TLL1: variants seen among roughly 807,000 people sequenced by gnomAD.
TLL1 encodes the protein tolloid like 1.
In TLL1, 49 loss-of-function variants were observed where a neutral mutation model predicts 128.2. The observed-to-expected ratio is 0.38, with a 90% CI of 0.30 to 0.48. The LOEUF (loss-of-function observed/expected upper bound fraction) is 0.48. Ranked by LOEUF, TLL1 falls within the 20% of genes least tolerant of loss-of-function variation. The pLI, the probability that TLL1 is intolerant of heterozygous loss-of-function variation, is 0.96. For missense variants in TLL1, 1,123 were observed against 1,242.0 expected, an observed-to-expected ratio of 0.90 and a Z score of 1.44; for synonymous variants, 454 against 418.8, an observed-to-expected ratio of 1.08 and a Z score of -1.03.
chr4:166,018,599 A>T (rs1015785319), intron 8 of TLL1, among the ~76,000 whole-genome samples: 1 of 152,158 alleles, frequency 6.6e-6, no homozygotes, highest in Non-Finnish European at 1.5e-5. Flanking sequence ...AACTTAAACC[A>T]ATCAACAAAC....
intron 12 of TLL1, among the ~76,000 whole-genome samples, chr4:166,048,563 T>C (rs1180987461): frequency 6.6e-6 from 1 of 152,180 alleles, no homozygotes; most frequent in Non-Finnish European, 1.5e-5. Flanking sequence ...TTGGAAAGCT[T>C]GTTCTCTATT....
At chr4:166,006,727 C>G (rs1185275659) in intron 6 of TLL1, among the ~76,000 whole-genome samples, 1 of 151,602 alleles carries the variant, frequency 6.6e-6, no homozygotes, top group Admixed American at 6.6e-5. Flanking sequence ...ATTATAAGGT[C>G]TGGTTAGTTA....
rs1027019655 is a variant in TLL1 at position 166,099,430 on chromosome 4, A to G, written c.2810A>G (p.Glu937Gly). 1 of 1,613,508 alleles carries G rather than the reference A, an allele frequency of 6.2e-7. No individual in the cohort carries two copies. ...CTTGAATTATCCTTCCAGACATTTG[A>G]AGTGGAGGAAGAAGCAGACTGTGGC... ...SRLELSFQTFEVEEEADCGYD... is the reference protein window; with the variant it reads ...SRLELSFQTFGVEEEADCGYD... Residue 937 changes from glutamate (E) to glycine (G), a missense_variant, in exon 20 of 21, where the codon GAA (glutamate) becomes GGA (glycine). This residue lies in a region of TLL1 where 634 missense variants were observed against 672.4 expected (regional missense o/e 0.94). Transcript: ENST00000061240.
At position 165,931,534 on chromosome 4, in the gene TLL1, G is replaced by A. The variant is rs569095525; in HGVS notation, c.169+57461G>A. On this transcript the variant is annotated intron_variant, in intron 1 of 20. Coordinates refer to ENST00000061240, the MANE Select transcript of TLL1 (RefSeq NM_012464.5). ...GAGATTGAGACCTCCTGGCCAACAC[G>A]GTGAAACCCCGTCTCTACTAAAAAT... is the stretch of plus-strand genomic sequence containing the variant. Among the ~76,000 whole-genome samples, 726 of 151,800 alleles carry A rather than the reference G, an allele frequency of 4.8e-3. 4 individuals carry two copies. The highest frequency in any genetic ancestry group is 5.9e-3 in the Non-Finnish European group (399 of 67,940).
At chr4:165,975,414 C>T (rs1033750037) in intron 1 of TLL1, among the ~76,000 whole-genome samples, 2 of 151,396 alleles carry the variant, frequency 1.3e-5, no homozygotes, top group African/African-American at 4.8e-5. Context: ...GAAAAGAAAT[C>T]TGCCCTTAAA....
At chr4:166,072,598 T>C (rs904802939) in intron 16 of TLL1, among the ~76,000 whole-genome samples, 1 of 151,878 alleles carries the variant, frequency 6.6e-6, no homozygotes, top group East Asian at 1.9e-4. Context: ...TTTTAACAAA[T>C]CTTGAAATTA....
At chr4:165,996,884 ATATT>A (rs1317970632) in intron 5 of TLL1, among the ~76,000 whole-genome samples, 5 of 150,342 alleles carry the variant, frequency 3.3e-5, no homozygotes, top group African/African-American at 9.7e-5. Flanking sequence ...GTATATATTA[ATATT>A]TATTTGTACA....
At chr4:166,100,299 G>T (rs11942301) in intron 20 of TLL1, among the ~76,000 whole-genome samples, 15,270 of 152,050 alleles carry the variant, frequency 0.1, 1,247 homozygotes, top group East Asian at 0.42. Flanking sequence ...GATGCTTAGA[G>T]TATTAAAACA....
Position 166,014,552 on chromosome 4 carries a change from G to A in TLL1, c.1034G>A (p.Arg345Lys), listed in dbSNP as rs1396253783. 6.2e-7 allele frequency: 1 copy of A among 1,611,872 alleles called. No homozygotes were observed. Among genetic ancestry groups the A allele is most frequent in the Non-Finnish European group, 8.5e-7 (1 of 1,178,456 alleles). ...ATCGCACAGGCAAGAAAGCTGTATA[G>A]ATGTCCAGGTATTGCACTACACAAA... ...GDIAQARKLY[R>K]CPACGETLQE... The change falls in exon 8 of 21, where the codon AGA (arginine) becomes AAA (lysine). Residue 345 changes from arginine (R) to lysine (K), a missense_variant. Arg to Lys is a conservative substitution (Grantham distance 26). Around this residue, in one of 3 missense-constraint regions of TLL1, gnomAD observed 480 missense variants for 542.4 expected, o/e 0.89. Coordinates refer to ENST00000061240, the MANE Select transcript of TLL1 (RefSeq NM_012464.5).
chr4:166,027,064 A>G (rs1738533451), intron 9 of TLL1, among the ~76,000 whole-genome samples: 1 of 152,222 alleles, frequency 6.6e-6, no homozygotes. Context: ...AGCCGTAAAA[A>G]AGAATGAACT....
At chr4:166,011,409 A>G (rs1175323608) in intron 7 of TLL1, among the ~76,000 whole-genome samples, 3 of 151,344 alleles carry the variant, frequency 2.0e-5, no homozygotes, top group Non-Finnish European at 4.4e-5. Context: ...TGTGAATGGA[A>G]TCAGTTATCT....
At chr4:166,048,914 T>A (rs1195522105) in intron 12 of TLL1, among the ~76,000 whole-genome samples, 1 of 152,222 alleles carries the variant, frequency 6.6e-6, no homozygotes, top group Non-Finnish European at 1.5e-5. Flanking sequence ...CTAAACTATG[T>A]GCATAAGTTT....
intron 1 of TLL1, among the ~76,000 whole-genome samples, chr4:165,948,219 A>G (rs1454091524): frequency 6.6e-6 from 1 of 152,098 alleles, no homozygotes; most frequent in African/African-American, 2.4e-5. Flanking sequence ...CTGACATCCA[A>G]TGCCTGTCTC....
At chr4:165,932,516 A>G (rs1381092411) in intron 1 of TLL1, among the ~76,000 whole-genome samples, 5 of 151,784 alleles carry the variant, frequency 3.3e-5, no homozygotes, top group African/African-American at 7.3e-5. Flanking sequence ...GGGAATGCCT[A>G]TCAGCATCTG....
At chr4:166,091,422 T>C (rs17505943) in intron 19 of TLL1, 81 bp downstream of exon 19, 189,732 of 1,216,482 alleles carry the variant, frequency 0.16, 16,534 homozygotes, top group South Asian at 0.2. Context: ...AATAATAGGA[T>C]TGTAAATAAA....
chr4:166,003,335 G>T (rs1737254369), intron 5 of TLL1, 56 bp from the exon 6 acceptor site: 1 of 1,585,294 alleles, frequency 6.3e-7, no homozygotes, highest in Non-Finnish European at 8.7e-7. Context: ...TCACCATATT[G>T]TCAGTTGTCC....
intron 5 of TLL1, among the ~76,000 whole-genome samples, chr4:165,996,966 T>A (rs991820235): frequency 2.0e-5 from 3 of 151,986 alleles, no homozygotes; most frequent in Non-Finnish European, 4.4e-5. Context: ...GCAGTAATGC[T>A]GAATTTTGGT....
intron 14 of TLL1, 91 bp from the exon 15 acceptor site, chr4:166,059,937 C>T: frequency 6.8e-7 from 1 of 1,460,244 alleles, no homozygotes; most frequent in Admixed American, 1.7e-5. Context: ...AAATTTAGTG[C>T]TGAGATGTTT....
At chr4:165,985,887 A>G (rs1455738697) in intron 1 of TLL1, among the ~76,000 whole-genome samples, 1 of 151,980 alleles carries the variant, frequency 6.6e-6, no homozygotes, top group Non-Finnish European at 1.5e-5. Flanking sequence ...TCTGACATTT[A>G]ATTTTGGCTT....
Sources: gnomAD v4.1 joint callset for allele counts (sites outside exome capture counted in the v4.1 genomes callset) on GRCh38, gnomAD v4.1.1 for gene constraint, gnomAD v4.1.1 regional missense constraint, MANE v1.5 for transcripts, NCBI Gene and HGNC (gene_info 2026-07-23, HGNC 2026-07-21) for gene names.